Variants in KIAA0319 observed in about 807,000 individuals in gnomAD.
KIAA0319 encodes KIAA0319.
In KIAA0319, 83 loss-of-function variants were observed where a neutral mutation model predicts 108.4. The observed-to-expected ratio is 0.77, with a 90% CI of 0.64 to 0.92. The LOEUF is 0.92. KIAA0319 is among the 40% of genes least tolerant of loss of function. The pLI, the probability that KIAA0319 is intolerant of heterozygous loss-of-function variation, is 0.00. For missense variants in KIAA0319, 1,195 were observed against 1,322.4 expected, an observed-to-expected ratio of 0.90 and a Z score of 1.49; for synonymous variants, 484 against 510.4, an observed-to-expected ratio of 0.95 and a Z score of 0.70.
intron 3 of KIAA0319, among the ~76,000 whole-genome samples, chr6:24,591,959 C>A (rs112082090): frequency 6.6e-6 from 1 of 151,556 alleles, no homozygotes; most frequent in Non-Finnish European, 1.5e-5. Flanking sequence ...TATATTTATC[C>A]CATTTTATGG....
At chr6:24,585,993 G>A (rs1020060696) in intron 4 of KIAA0319, among the ~76,000 whole-genome samples, 1 of 152,172 alleles carries the variant, frequency 6.6e-6, no homozygotes, top group Non-Finnish European at 1.5e-5. Flanking sequence ...GGAAGCTGAG[G>A]CAGGAGAATC....
rs753137152 is a variant in KIAA0319, at chr6:24,566,563, A to G, written c.2292+34T>C. The G allele has an allele frequency of 5.1e-6, 8 of 1,564,628 alleles. No individual in the cohort carries two copies. In the African/African-American group the frequency reaches 1.1e-4, roughly 21 times the overall value. On this transcript the variant is annotated intron_variant, in intron 14 of 20. Transcript: ENST00000378214. ...GCTGACTAATGCAGATGTAATGATA[A>G]GTGGTCTAGGAGCAATTCTCTCTCA... is the stretch of plus-strand genomic sequence containing the variant.
chr6:24,582,645 A>T (rs1262932590), intron 5 of KIAA0319, among the ~76,000 whole-genome samples: 3 of 131,546 alleles, frequency 2.3e-5, no homozygotes, highest in African/African-American at 9.3e-5. Context: ...GGAAATTTTT[A>T]AAATGTATAA....
At chr6:24,553,263 C>T (rs987688716) in intron 19 of KIAA0319, among the ~76,000 whole-genome samples, 3 of 129,682 alleles carry the variant, frequency 2.3e-5, no homozygotes, top group Non-Finnish European at 4.7e-5. Flanking sequence ...CACTTAGGTA[C>T]TTGTGAGATA....
intron 4 of KIAA0319, among the ~76,000 whole-genome samples, chr6:24,584,056 G>A (rs1465390353): frequency 6.6e-6 from 1 of 152,152 alleles, no homozygotes; most frequent in Non-Finnish European, 1.5e-5. Context: ...ACGCCCTGGT[G>A]TGAGCTATTT....
chr6:24,566,337 C>A (rs1332317275), intron 14 of KIAA0319, among the ~76,000 whole-genome samples: 1 of 152,166 alleles, frequency 6.6e-6, no homozygotes, highest in African/African-American at 2.4e-5. Context: ...CTCTCTCTTC[C>A]CCTGCTATGG....
chr6:24,645,051 G>A (rs2127608045), intron 1 of KIAA0319, among the ~76,000 whole-genome samples: 1 of 152,250 alleles, frequency 6.6e-6, no homozygotes, highest in East Asian at 1.9e-4. Context: ...TGTATTTCAG[G>A]AATAAAGAAA....
In KIAA0319 at chr6:24,595,898, T is replaced by C. The variant is rs940512179; in HGVS notation, c.776A>G (p.Gln259Arg). The change falls in exon 3 of 21, where the codon CAA becomes CGA. Residue 259 changes from glutamine to arginine, a missense_variant. Gln to Arg is a conservative substitution (Grantham distance 43). Transcript: ENST00000378214. Reference sequence around the variant, plus strand: ...CTCTTTTCCAGAGCTGTTGCTGGATTGTTCCTGGAGCTGAGAAGCCTTTTC... The same window carrying C: ...CTCTTTTCCAGAGCTGTTGCTGGATCGTTCCTGGAGCTGAGAAGCCTTTTC... ...EKEKASQLQE[Q>R]SSNSSGKEVL... 6.2e-7 allele frequency: 1 copy of C among 1,608,116 alleles called. No homozygotes were observed. The highest frequency in any genetic ancestry group is 8.5e-7 in the Non-Finnish European group (1 of 1,176,904).
Position 24,614,325 on chromosome 6 carries a change from A to G in KIAA0319, c.-105-13117T>C, listed in dbSNP as rs147919534. On this transcript the variant is annotated intron_variant, in intron 1 of 20. Transcript: ENST00000378214. ...TCCCAGTCGCCCAGTGCTCTCTCCCATACCCTGGAAATATCCAGCTCAAAA... is the reference window on the plus strand; with the variant it reads ...TCCCAGTCGCCCAGTGCTCTCTCCCGTACCCTGGAAATATCCAGCTCAAAA... Among the ~76,000 whole-genome samples the G allele has an allele frequency of 2.6e-3, 399 of 152,152 alleles. 3 individuals are homozygous for G. The highest frequency in any genetic ancestry group is 9.2e-3 in the African/African-American group (381 of 41,504).
chr6:24,598,292 T>C (rs2127528683), intron 2 of KIAA0319: 1 of 654,846 alleles, frequency 1.5e-6, no homozygotes, highest in Non-Finnish European at 2.8e-6. Flanking sequence ...ATCCAGGCCA[T>C]GTGCACCCAG....
chr6:24,569,005 C>T (rs2094577586), intron 12 of KIAA0319, 76 bp from the exon 13 acceptor site: 2 of 1,442,728 alleles, frequency 1.4e-6, no homozygotes, highest in African/African-American at 1.4e-5. Flanking sequence ...GATTTGTGCT[C>T]TTATAAATGT....
chr6:24,581,800 C>T (rs1017644822), intron 6 of KIAA0319, among the ~76,000 whole-genome samples: 45 of 152,302 alleles, frequency 3.0e-4, no homozygotes, highest in African/African-American at 1.1e-3. Context: ...TGCCTACTTG[C>T]ATGCCTGAAA....
intron 5 of KIAA0319, 96 bp from the exon 6 acceptor site, chr6:24,582,442 C>A (rs1766715412): frequency 2.8e-6 from 2 of 716,982 alleles, no homozygotes; most frequent in Admixed American, 3.8e-5. Flanking sequence ...ACCACCAGTG[C>A]AGATTACCTT....
At chr6:24,542,704 G>C (rs1760242325), downstream of KIAA0319, among the ~76,000 whole-genome samples, 1 of 152,212 alleles carries the variant, frequency 6.6e-6, no homozygotes, top group African/African-American at 2.4e-5. Flanking sequence ...GACAGAGCAA[G>C]ACCCTGTCTC....
At position 24,559,125 on chromosome 6, in the gene KIAA0319, C is replaced by A; in HGVS notation, c.2622G>T (p.Arg874Ser). Reference sequence around the variant, plus strand: ...CAGCTTTGAGAACCTTGAAAGGCGGCCTGCTCTGTACATAAAACACAATCA... The same window carrying A: ...CAGCTTTGAGAACCTTGAAAGGCGGACTGCTCTGTACATAAAACACAATCA... ...STVIVFYVQS[R>S]PPFKVLKAAE... is the part of the protein sequence containing the mutation. The change falls in exon 17 of 21, where the codon AGG (arginine) becomes AGT (serine). Residue 874 changes from arginine to serine, a missense_variant. Arg to Ser is a moderately radical substitution (Grantham distance 110). Transcript: ENST00000378214. 6.2e-7 allele frequency: 1 copy of A among 1,613,502 alleles called. No individual in the cohort carries two copies. The highest frequency in any genetic ancestry group is 8.5e-7 in the Non-Finnish European group (1 of 1,180,024).
At chr6:24,598,225 G>T in intron 2 of KIAA0319, 1 of 542,398 alleles carries the variant, frequency 1.8e-6, no homozygotes. Context: ...GGGCATCACA[G>T]CCATCACAGT....
intron 3 of KIAA0319, among the ~76,000 whole-genome samples, chr6:24,594,129 G>T (rs1216134938): frequency 1.5e-5 from 2 of 133,274 alleles, no homozygotes; most frequent in African/African-American, 5.7e-5. Context: ...AACCTGGGCA[G>T]CGGAGGTTGC....
rs1158103681 is a variant in KIAA0319, at chr6:24,576,237, A to G, written c.1734+131T>C. 1.3e-4 allele frequency: 96 copies of G among 732,190 alleles called. 2 individuals are homozygous for G. The highest frequency in any genetic ancestry group is 1.0e-4 in the East Asian group (4 of 38,174). 45.4% of individuals were successfully genotyped at this position (732,190 alleles called of 1,614,324 possible). The stretch of plus-strand genomic sequence containing the variant: ...TTGTGAGCTTAGGTCCTTTTCTAAT[A>G]GTTGTAATAGATCAGATAACTTTAC... On this transcript the variant is annotated intron_variant, in intron 10 of 20. Transcript: ENST00000378214.
chr6:24,556,845 G>A, intron 17 of KIAA0319, 116 bp from the exon 18 acceptor site: 1 of 1,232,622 alleles, frequency 8.1e-7, no homozygotes, highest in Non-Finnish European at 1.1e-6. Flanking sequence ...GTTGAATTAA[G>A]AGCCTCTTAC....
Sources: allele counts gnomAD v4.1 joint callset (sites outside exome capture counted in the v4.1 genomes callset), GRCh38; gene constraint gnomAD v4.1.1; transcripts MANE v1.5; gene names NCBI Gene and HGNC (gene_info 2026-07-23, HGNC 2026-07-21).